The following PBRM1 variants were observed in gnomAD, a reference collection of about 807,000 sequenced individuals.
PBRM1 encodes the protein protein polybromo-1.
PBRM1 carries 27 observed loss-of-function variants against 194.5 expected under a neutral mutation model. The observed-to-expected ratio is 0.14, with a 90% confidence interval of 0.10 to 0.19. PBRM1 has a LOEUF of 0.19. PBRM1 is among the 10% of genes least tolerant of loss of function. PBRM1 has a pLI of 1.00. For missense variants in PBRM1, 1,466 were observed against 2,077.2 expected (o/e 0.71, Z 5.72); for synonymous variants, 655 against 693.2 (o/e 0.94, Z 0.87).
chr3:52,547,332 G>C (rs1175018045), downstream of PBRM1: 2 of 232,942 alleles, frequency 8.6e-6, no homozygotes, highest in African/African-American at 4.4e-5. Flanking sequence ...GTCTAACTCA[G>C]CACAATTGAA....
intron 5 of PBRM1, among the ~76,000 whole-genome samples, chr3:52,652,704 T>G (rs1265420934): frequency 2.5e-5 from 3 of 120,516 alleles, no homozygotes; most frequent in African/African-American, 9.5e-5. Context: ...AAAAAATAAA[T>G]AATCTAAATT....
chr3:52,636,884 T>C (rs2095844408), intron 10 of PBRM1, among the ~76,000 whole-genome samples: 1 of 148,428 alleles, frequency 6.7e-6, no homozygotes, highest in Non-Finnish European at 1.5e-5. Flanking sequence ...AATTTAATTA[T>C]GTGTTAAGAG....
chr3:52,582,335 C>G (rs1052518613), intron 20 of PBRM1, among the ~76,000 whole-genome samples: 1 of 150,034 alleles, frequency 6.7e-6, no homozygotes, highest in Non-Finnish European at 1.5e-5. Context: ...AACTCATATA[C>G]AGAGAGTTCC....
chr3:52,613,010 A>G (rs547049458), intron 15 of PBRM1, among the ~76,000 whole-genome samples: 4 of 152,306 alleles, frequency 2.6e-5, no homozygotes, highest in African/African-American at 9.6e-5. Flanking sequence ...TGAGACAATC[A>G]GAAGAACTTG....
In PBRM1 at chr3:52,574,629, A is replaced by G. The variant is rs117947843; in HGVS notation, c.3691+1912T>C. On this transcript the variant is annotated intron_variant, in intron 22 of 29. Coordinates refer to ENST00000296302, the Ensembl canonical transcript of PBRM1. ...GCCACACACATGCCAACAATAGTGTACATGCTCAGAAAGGACCTAAGAAGG... is the reference window on the plus strand; with the variant it reads ...GCCACACACATGCCAACAATAGTGTGCATGCTCAGAAAGGACCTAAGAAGG... Among the ~76,000 whole-genome samples, 24 of 152,344 alleles carry G rather than the reference A, an allele frequency of 1.6e-4. No individual in the cohort carries two copies. In the East Asian group the frequency reaches 4.6e-3, roughly 29 times the overall value.
intron 22 of PBRM1, among the ~76,000 whole-genome samples, chr3:52,573,090 A>G (rs2087994198): frequency 6.6e-6 from 1 of 152,162 alleles, no homozygotes; most frequent in Admixed American, 6.5e-5. Flanking sequence ...TTAATTCTCA[A>G]AAGTGTGCCA....
At chr3:52,679,431 A>T in intron 1 of PBRM1, 143 bp downstream of exon 2, 1 of 692,072 alleles carries the variant, frequency 1.4e-6, no homozygotes, top group Non-Finnish European at 2.5e-6. Context: ...CTGAATACAT[A>T]ATGTTCATAA....
chr3:52,672,564 C>T (rs1016070723), intron 2 of PBRM1, among the ~76,000 whole-genome samples: 5 of 148,644 alleles, frequency 3.4e-5, no homozygotes, highest in East Asian at 2.0e-4. Flanking sequence ...GCGTTATCTC[C>T]GCACACTGCA....
At chr3:52,553,818 C>A (rs919386232) in intron 27 of PBRM1, among the ~76,000 whole-genome samples, 1 of 152,080 alleles carries the variant, frequency 6.6e-6, no homozygotes, top group African/African-American at 2.4e-5. Context: ...CCCGCCACCA[C>A]GCCCAGCTAA....
chr3:52,672,679 A>G (rs1578188393), intron 2 of PBRM1, among the ~76,000 whole-genome samples: 1 of 151,778 alleles, frequency 6.6e-6, no homozygotes, highest in South Asian at 2.1e-4. Flanking sequence ...TTTTTAGTAG[A>G]GATGGGCTTT....
At chr3:52,650,613 C>T (rs1039479686) in intron 6 of PBRM1, among the ~76,000 whole-genome samples, 2 of 152,086 alleles carry the variant, frequency 1.3e-5, no homozygotes, top group Non-Finnish European at 2.9e-5. Context: ...GAGCAGCAAA[C>T]CCTTCTTATC....
chr3:52,614,611 C>A (rs1365432324), intron 15 of PBRM1, among the ~76,000 whole-genome samples: 2 of 150,436 alleles, frequency 1.3e-5, no homozygotes, highest in Non-Finnish European at 3.0e-5. Context: ...CACTCTGTCG[C>A]CCAGGCTGAA....
intron 7 of PBRM1, among the ~76,000 whole-genome samples, chr3:52,645,636 G>A (rs956807874): frequency 2.6e-5 from 4 of 151,816 alleles, no homozygotes; most frequent in Admixed American, 1.3e-4. Context: ...GTAAAATAAG[G>A]TTACTTGAAC....
At chr3:52,548,367 C>T in intron 29 of PBRM1, 132 bp from the exon 32 acceptor site, 1 of 553,134 alleles carries the variant, frequency 1.8e-6, no homozygotes, top group South Asian at 3.2e-5. Context: ...ATTTTAACTG[C>T]AGAATATTTC....
chr3:52,681,002 G>A (rs947951054), upstream of PBRM1, among the ~76,000 whole-genome samples: 2 of 151,978 alleles, frequency 1.3e-5, no homozygotes, highest in South Asian at 4.2e-4. Context: ...GAGGTAGTCA[G>A]GCAGGCCTGG....
intron 3 of PBRM1, 88 bp from the exon 5 acceptor site, chr3:52,662,364 A>T: frequency 8.7e-7 from 1 of 1,146,402 alleles, no homozygotes; most frequent in Non-Finnish European, 1.2e-6. Flanking sequence ...TTCAGCAAAG[A>T]CCAAAAATTG....
chr3:52,638,860 A>G (rs1448589798), intron 10 of PBRM1, among the ~76,000 whole-genome samples: 1 of 151,706 alleles, frequency 6.6e-6, no homozygotes, highest in East Asian at 1.9e-4. Context: ...CTGCCTCCCA[A>G]AGTGTTGGGA....
downstream of PBRM1, chr3:52,546,919 TAAC>T (rs2079753580): frequency 8.6e-6 from 2 of 233,180 alleles, no homozygotes; most frequent in Non-Finnish European, 8.5e-6. Context: ...TTGAGAATTA[TAAC>T]AACATTGAAA....
chr3:52,605,846 G>A lies in PBRM1; in HGVS notation c.2568-2114C>T, dbSNP rs185142582. On this transcript the variant is annotated intron_variant, in intron 16 of 29. Coordinates refer to ENST00000296302, the Ensembl canonical transcript of PBRM1. ...TCGAACTCCTGACCTCAGGTGATCC[G>A]CCCGCCGTGGCCTCCCAAAGTGCTG... is the stretch of plus-strand genomic sequence containing the variant. Among the ~76,000 whole-genome samples, 523 of 151,940 alleles carry A rather than the reference G, an allele frequency of 3.4e-3. 3 individuals are homozygous for A. Among genetic ancestry groups the A allele is most frequent in the African/African-American group, 0.012 (490 of 41,460 alleles).
Sources: gnomAD v4.1 joint callset for allele counts (sites outside exome capture counted in the v4.1 genomes callset) on GRCh38, gnomAD v4.1.1 for gene constraint, MANE v1.5 for transcripts, NCBI Gene and HGNC (gene_info 2026-07-23, HGNC 2026-07-21) for gene names.